The following EPN1 variants were observed in gnomAD, a reference collection of about 807,000 sequenced individuals.
EPN1 encodes the protein epsin 1.
In EPN1, 25 loss-of-function variants were observed where a neutral mutation model predicts 56.9. That is an observed-to-expected ratio of 0.44 (90% CI 0.32 to 0.61). EPN1 has a LOEUF of 0.61. EPN1 is among the 20% of genes least tolerant of loss of function. EPN1 has a pLI of 0.05. For synonymous variants in EPN1, 411 were observed against 361.8 expected, an observed-to-expected ratio of 1.14 and a Z score of -1.54; for missense variants, 785 against 823.7, an observed-to-expected ratio of 0.95 and a Z score of 0.58.
Position 55,688,897 on chromosome 19 carries a change from C to A in EPN1, c.506C>A (p.Pro169His). ...TASSAAVGSGPPPEAEQAWPQ... is the reference protein window; with the variant it reads ...TASSAAVGSGHPPEAEQAWPQ... ...TCATCAGCAGCTGTGGGCTCAGGCC[C>A]CCCTCCCGAGGCGGAGCAGGCGTGG... Residue 169 changes from proline (P) to histidine (H), a missense_variant, in exon 4 of 11, where the codon CCC becomes CAC. Pro to His is a moderately conservative substitution (Grantham distance 77). Transcript: ENST00000270460. 6.3e-7 allele frequency: 1 copy of A among 1,580,938 alleles called. No individual in the cohort carries two copies. Among genetic ancestry groups the A allele is most frequent in the East Asian group, 2.3e-5 (1 of 43,330 alleles).
chr19:55,705,830 T>TATATATATATATATATATATAG lies in EPN1; in HGVS notation c.*10475_*10476insTATATATATATATATATATAGA, dbSNP rs1987373185. 8.2e-6 allele frequency: 1 copy of TATATATATATATATATATATAG among 122,232 alleles called. No homozygotes were observed. Among genetic ancestry groups the TATATATATATATATATATATAG allele is most frequent in the African/African-American group, 4.0e-5 (1 of 25,174 alleles). The allele number at this position is 122,232 out of a possible 1,614,324, so 7.6% of individuals were successfully genotyped here. A position where few individuals can be genotyped will look rare whatever the true frequency, so the allele number is the denominator to read the frequency against. On this transcript the variant is annotated 3_prime_UTR_variant, in exon 11 of 11. Transcript: ENST00000270460. ...TGGGATATATATATATATATATATT[T>TATATATATATATATATATATAG]AGAGTGTTGTGGGATATATATATAT...
rs529011885 is a variant in EPN1 at position 55,677,015 on chromosome 19, T to G, written c.-101-1512T>G. 716 of 1,200,816 alleles carry G rather than the reference T, an allele frequency of 6.0e-4. 2 individuals carry two copies. Among genetic ancestry groups the G allele is most frequent in the Non-Finnish European group, 7.6e-4 (668 of 875,662 alleles). The allele number at this position is 1,200,816 out of a possible 1,614,324, so 74.4% of individuals were successfully genotyped here. On this transcript the variant is annotated intron_variant, in intron 1 of 10. Transcript: ENST00000270460. Reference sequence around the variant, plus strand: ...GGGGCTGTTTTGGGACTCCAGAGAGTTACTTTTTAACTAGCTACATCTGTC... The same window carrying G: ...GGGGCTGTTTTGGGACTCCAGAGAGGTACTTTTTAACTAGCTACATCTGTC...
Position 55,695,164 on chromosome 19 carries a change from C to T in EPN1, c.1539C>T (p.Gly513=). The change falls in exon 11 of 11, where the codon GGC becomes GGT. Residue 513 remains glycine, a synonymous_variant. Coordinates refer to ENST00000270460, the MANE Select transcript of EPN1 (RefSeq NM_001130072.2). The surrounding 1 kb of genome is among the most constrained non-coding windows in gnomAD (Gnocchi z 4.4). ...TTCCTGCAGGAGGCCCAGCCACTGG[C>T]CCTTCCGTCACCAACCCCTTCCAGC... ...PFLPGGGPAT[G]PSVTNPFQPA... 6.8e-6 allele frequency: 11 copies of T among 1,613,760 alleles called. No individual in the cohort carries two copies. The highest frequency in any genetic ancestry group is 9.3e-6 in the Non-Finnish European group (11 of 1,179,826).
Position 55,702,042 on chromosome 19 carries a change from A to C in EPN1, c.*6686A>C, listed in dbSNP as rs1322276260. Reference sequence around the variant, plus strand: ...AGTGGTGTCATCTTGGCTCACTGCAACCTCCGCCTCCCAGGTTCAAGCAAT... The same window carrying C: ...AGTGGTGTCATCTTGGCTCACTGCACCCTCCGCCTCCCAGGTTCAAGCAAT... On this transcript the variant is annotated 3_prime_UTR_variant, in exon 11 of 11. Transcript: ENST00000270460. 7.0e-6 allele frequency: 1 copy of C among 143,166 alleles called. No individual in the cohort carries two copies. The highest frequency in any genetic ancestry group is 1.5e-5 in the Non-Finnish European group (1 of 66,928). The allele number at this position is 143,166 out of a possible 1,614,324, so 8.9% of individuals were successfully genotyped here.
rs1300034902 is a variant in EPN1 at position 55,699,664 on chromosome 19, A to G, written c.*4308A>G. ...GTCCCTTGAGCCTAAAATATTTACT[A>G]TCTGGCTCTTCAACAAAAAGTGTGC... On this transcript the variant is annotated 3_prime_UTR_variant, in exon 11 of 11. Transcript: ENST00000270460. 2 of 152,306 alleles carry G rather than the reference A, an allele frequency of 1.3e-5. No homozygotes were observed. Among genetic ancestry groups the G allele is most frequent in the South Asian group, 2.1e-4 (1 of 4,826 alleles). 9.4% of individuals were successfully genotyped at this position (152,306 alleles called of 1,614,324 possible).
Position 55,705,785 on chromosome 19 carries a change from G to A in EPN1, c.*10429G>A, listed in dbSNP as rs1030093431. The A allele has an allele frequency of 3.4e-5, 4 of 117,426 alleles. No homozygotes were observed. The South Asian group carries it at 1.1e-3, about 31-fold the overall frequency. The allele number at this position is 117,426 out of a possible 1,614,324, so 7.3% of individuals were successfully genotyped here. Reference sequence around the variant, plus strand: ...TCTTCAACAGTCATACTGACATTGTGGCTGGAATATTTGTTGTTGTGGGAT... The same window carrying A: ...TCTTCAACAGTCATACTGACATTGTAGCTGGAATATTTGTTGTTGTGGGAT... On this transcript the variant is annotated 3_prime_UTR_variant, in exon 11 of 11. Transcript: ENST00000270460.
At chr19:55,677,301 A>G (rs1391277652) in intron 1 of EPN1, 8 of 854,788 alleles carry the variant, frequency 9.4e-6, no homozygotes, top group Non-Finnish European at 1.6e-5. Context: ...GGGTTGTTTC[A>G]AGGATTAACT....
chr19:55,683,769 T>C (rs527885890), intron 2 of EPN1, among the ~76,000 whole-genome samples: 53 of 152,348 alleles, frequency 3.5e-4, no homozygotes, highest in African/African-American at 1.1e-3. Flanking sequence ...ACAATCTTTT[T>C]AGCTGCGATA....
intron 1 of EPN1, chr19:55,677,659 T>C: frequency 6.4e-7 from 1 of 1,551,592 alleles, no homozygotes; most frequent in Non-Finnish European, 8.7e-7. Flanking sequence ...GTTCCTTATC[T>C]CTCCTGAGCC....
rs1208664135 is a variant in EPN1 at position 55,705,338 on chromosome 19, C to T, written c.*9982C>T. 1.3e-5 allele frequency: 2 copies of T among 152,122 alleles called. No individual in the cohort carries two copies. The highest frequency in any genetic ancestry group is 6.6e-5 in the Admixed American group (1 of 15,258). The allele number at this position is 152,122 out of a possible 1,614,324, so 9.4% of individuals were successfully genotyped here. ...AACCAATGAAAAAAACCTCTCAGAA[C>T]GATACAGAATCCAGAGCCACTACAA... On this transcript the variant is annotated 3_prime_UTR_variant, in exon 11 of 11. Transcript: ENST00000270460.
At chr19:55,687,344 G>A (rs915049320) in intron 3 of EPN1, among the ~76,000 whole-genome samples, 3 of 152,132 alleles carry the variant, frequency 2.0e-5, no homozygotes, top group African/African-American at 7.2e-5. Flanking sequence ...CAGTGGGCAG[G>A]GAAGGGCCTG....
At position 55,707,676 on chromosome 19, in the gene EPN1, C is replaced by T. The variant is rs1334837202; in HGVS notation, c.*12320C>T. 1 of 154,690 alleles carries T rather than the reference C, an allele frequency of 6.5e-6. No homozygotes were observed. The highest frequency in any genetic ancestry group is 2.0e-4 in the South Asian group (1 of 4,928). 9.6% of individuals were successfully genotyped at this position (154,690 alleles called of 1,614,324 possible). On this transcript the variant is annotated 3_prime_UTR_variant, in exon 11 of 11. Coordinates refer to ENST00000270460, the MANE Select transcript of EPN1 (RefSeq NM_001130072.2). The stretch of plus-strand genomic sequence containing the variant: ...GGTGGGGACTCTGGCCAATGCCATT[C>T]TGTTCTTCCATAATATCTTTCCCAT...
chr19:55,689,732 C>G lies in EPN1; in HGVS notation c.679-135C>G. On this transcript the variant is annotated intron_variant, in intron 5 of 10. Transcript: ENST00000270460. This position sits in a 1 kb window ranked among gnomAD's most constrained non-coding sequence, Gnocchi z 5.7. Reference sequence around the variant, plus strand: ...CCAGGTGCCCCATCCCCATTTCATACATTGTCCGCATCCCATCGAATCCTT... The same window carrying G: ...CCAGGTGCCCCATCCCCATTTCATAGATTGTCCGCATCCCATCGAATCCTT... The G allele has an allele frequency of 1.2e-6, 1 of 817,994 alleles. No individual in the cohort carries two copies. Among genetic ancestry groups the G allele is most frequent in the Non-Finnish European group, 2.0e-6 (1 of 494,960 alleles). The allele number at this position is 817,994 out of a possible 1,614,324, so 50.7% of individuals were successfully genotyped here.
rs1339326333 is a variant in EPN1, at chr19:55,707,831, C to T, written c.*12475C>T. On this transcript the variant is annotated 3_prime_UTR_variant, in exon 11 of 11. Coordinates refer to ENST00000270460, the MANE Select transcript of EPN1 (RefSeq NM_001130072.2). The stretch of plus-strand genomic sequence containing the variant: ...CTTTTGTCCTATGGAAACCCTTGTC[C>T]AGTCTTGAGTGTAAACTCGTGTTTA... 1.3e-5 allele frequency: 2 copies of T among 154,424 alleles called. No individual in the cohort carries two copies. Among genetic ancestry groups the T allele is most frequent in the African/African-American group, 4.8e-5 (2 of 41,538 alleles). 9.6% of individuals were successfully genotyped at this position (154,424 alleles called of 1,614,324 possible).
rs2122240028 is a variant in EPN1, at chr19:55,702,195, AAGTGATC to A, written c.*6840_*6846del. The A allele has an allele frequency of 6.6e-6, 1 of 151,648 alleles. No individual in the cohort carries two copies. Among genetic ancestry groups the A allele is most frequent in the African/African-American group, 2.4e-5 (1 of 41,250 alleles). The allele number at this position is 151,648 out of a possible 1,614,324, so 9.4% of individuals were successfully genotyped here. ...AGGCTGGTCTCCAACTCCTGACCTC[AAGTGATC>A]CGCCTGCCTCGGCCTCCCAAAGTAG... On this transcript the variant is annotated 3_prime_UTR_variant, in exon 11 of 11. Coordinates refer to ENST00000270460, the MANE Select transcript of EPN1 (RefSeq NM_001130072.2).
chr19:55,709,083 ATT>A lies in EPN1; in HGVS notation c.*13731_*13732del. The A allele has an allele frequency of 6.7e-7, 1 of 1,498,298 alleles. No homozygotes were observed. The highest frequency in any genetic ancestry group is 9.0e-7 in the Non-Finnish European group (1 of 1,116,270). 92.8% of individuals were successfully genotyped at this position (1,498,298 alleles called of 1,614,324 possible). ...AATAAAGTTTTTTTTTTTGTTTTTC[ATT>A]TTTACACAGTATTGCCTCTCTACAT... is the stretch of plus-strand genomic sequence containing the variant. On this transcript the variant is annotated 3_prime_UTR_variant, in exon 11 of 11. Coordinates refer to ENST00000270460, the MANE Select transcript of EPN1 (RefSeq NM_001130072.2).
Position 55,703,638 on chromosome 19 carries a change from T to C in EPN1, c.*8282T>C, listed in dbSNP as rs1476770622. Reference sequence around the variant, plus strand: ...TGGGCGCAGCCTGGGATCCTCACTTTTTCGCAGATTGGTCACTAGCAGGGC... The same window carrying C: ...TGGGCGCAGCCTGGGATCCTCACTTCTTCGCAGATTGGTCACTAGCAGGGC... On this transcript the variant is annotated 3_prime_UTR_variant, in exon 11 of 11. Coordinates refer to ENST00000270460, the MANE Select transcript of EPN1 (RefSeq NM_001130072.2). The C allele has an allele frequency of 6.6e-6, 1 of 152,256 alleles. No individual in the cohort carries two copies. The highest frequency in any genetic ancestry group is 2.4e-5 in the African/African-American group (1 of 41,472). 9.4% of individuals were successfully genotyped at this position (152,256 alleles called of 1,614,324 possible). A position where few individuals can be genotyped will look rare whatever the true frequency, so the allele number is the denominator to read the frequency against.
rs1022311524 is a variant in EPN1, at chr19:55,697,391, A to G, written c.*2035A>G. ...ACTTGTCAGACCCTCCATTCACCAA[A>G]TTAAGGATAAGTTTCACGATTTCGC... On this transcript the variant is annotated 3_prime_UTR_variant, in exon 11 of 11. Coordinates refer to ENST00000270460, the MANE Select transcript of EPN1 (RefSeq NM_001130072.2). 6.6e-6 allele frequency: 1 copy of G among 152,182 alleles called. No homozygotes were observed. 9.4% of individuals were successfully genotyped at this position (152,182 alleles called of 1,614,324 possible).
rs966410605 is a variant in EPN1, at chr19:55,695,241, C to T, written c.1616C>T (p.Pro539Leu). 6.2e-7 allele frequency: 1 copy of T among 1,612,524 alleles called. No individual in the cohort carries two copies. ...AACCAGCTCCGTCTCAGTCCTGTGC[C>T]TCCCGTCCCTGGAGCGCCACCCACG... ...TLNQLRLSPV[P>L]PVPGAPPTYI... Residue 539 changes from proline to leucine, a missense_variant, in exon 11 of 11, where the codon CCT (proline) becomes CTT (leucine). This residue lies in a region of EPN1 where 650 missense variants were observed against 605.0 expected (regional missense o/e 1.07). Transcript: ENST00000270460. This position sits in a 1 kb window ranked among gnomAD's most constrained non-coding sequence, Gnocchi z 4.4.
Sources: gnomAD v4.1 joint callset for allele counts (sites outside exome capture counted in the v4.1 genomes callset) on GRCh38, gnomAD v4.1.1 for gene constraint, gnomAD v4.1.1 regional missense constraint, Gnocchi (gnomAD v3.1) non-coding constraint, MANE v1.5 for transcripts, NCBI Gene and HGNC (gene_info 2026-07-23, HGNC 2026-07-21) for gene names.